Variants in FGGY observed in about 807,000 individuals in gnomAD.
FGGY encodes FGGY carbohydrate kinase domain containing.
Under a neutral mutation model 71.3 loss-of-function variants are expected in FGGY, and 72 were observed. That is an observed-to-expected ratio of 1.01 (90% CI 0.84 to 1.23). FGGY has a LOEUF of 1.23. FGGY is among the 50% of genes most tolerant of loss of function. The pLI is 0.00. For missense variants in FGGY, 668 were observed against 682.3 expected, an observed-to-expected ratio of 0.98 and a Z score of 0.23; for synonymous variants, 251 against 250.3, an observed-to-expected ratio of 1.00 and a Z score of -0.02.
At chr1:59,356,734 T>C (rs573869825) in intron 4 of FGGY, among the ~76,000 whole-genome samples, 3 of 152,334 alleles carry the variant, frequency 2.0e-5, no homozygotes. Context: ...TAAGTTAATT[T>C]TCTCTTCCTC....
chr1:59,636,577 C>A (rs1007457731), intron 10 of FGGY, among the ~76,000 whole-genome samples: 5 of 152,112 alleles, frequency 3.3e-5, no homozygotes, highest in South Asian at 2.1e-4. Flanking sequence ...GAGCCGAGAT[C>A]GCGTCACTGC....
At chr1:59,317,972 A>G (rs1489665691) in intron 1 of FGGY, among the ~76,000 whole-genome samples, 2 of 152,160 alleles carry the variant, frequency 1.3e-5, no homozygotes, top group African/African-American at 4.8e-5. Context: ...GAGTCAGCCA[A>G]CCTTAGGCAC....
chr1:59,672,772 G>C (rs1357792659), intron 13 of FGGY, among the ~76,000 whole-genome samples: 2 of 152,154 alleles, frequency 1.3e-5, no homozygotes. Context: ...AACTCTTATG[G>C]CTTGAGTAGA....
chr1:59,353,847 T>C (rs1371554001), intron 4 of FGGY, among the ~76,000 whole-genome samples: 1 of 152,108 alleles, frequency 6.6e-6, no homozygotes, highest in Admixed American at 6.5e-5. Context: ...TATGGGAACC[T>C]GTGCACTTTC....
chr1:59,461,008 T>C (rs1412907628), intron 6 of FGGY, among the ~76,000 whole-genome samples: 1 of 152,178 alleles, frequency 6.6e-6, no homozygotes, highest in East Asian at 1.9e-4. Context: ...AGAGCACCTC[T>C]TCTCCTCCAA....
At chr1:59,591,424 A>C (rs1416149426) in intron 8 of FGGY, among the ~76,000 whole-genome samples, 1 of 152,344 alleles carries the variant, frequency 6.6e-6, no homozygotes, top group South Asian at 2.1e-4. Context: ...TTCTTCACAG[A>C]ATTGGAAAAA....
chr1:59,611,197 A>T (rs2096673777), intron 9 of FGGY, among the ~76,000 whole-genome samples: 1 of 152,212 alleles, frequency 6.6e-6, no homozygotes, highest in African/African-American at 2.4e-5. Context: ...GAGATCTGAG[A>T]ATGGACAGAC....
intron 8 of FGGY, among the ~76,000 whole-genome samples, chr1:59,602,658 A>C (rs956736728): frequency 6.6e-6 from 1 of 152,108 alleles, no homozygotes; most frequent in Non-Finnish European, 1.5e-5. Flanking sequence ...TGTCTACATG[A>C]CTGTTTCTGC....
chr1:59,467,911 G>GTTTTGT (rs1553227806), intron 6 of FGGY, among the ~76,000 whole-genome samples: 1 of 149,700 alleles, frequency 6.7e-6, no homozygotes, highest in Non-Finnish European at 1.5e-5. Flanking sequence ...GTTTTGTTTT[G>GTTTTGT]TTTTTTTTTG....
At chr1:59,452,686 AAGGTACATC>A (rs1458115539) in intron 5 of FGGY, among the ~76,000 whole-genome samples, 1 of 152,220 alleles carries the variant, frequency 6.6e-6, no homozygotes, top group Non-Finnish European at 1.5e-5. Flanking sequence ...AAAGCAGTGA[AAGGTACATC>A]AGTTCCTGCC....
intron 4 of FGGY, among the ~76,000 whole-genome samples, chr1:59,373,480 C>T (rs2153276900): frequency 1.3e-5 from 2 of 152,212 alleles, no homozygotes; most frequent in East Asian, 3.9e-4. Context: ...GGCCATACTG[C>T]CCAAGGTAAT....
chr1:59,313,220 G>T (rs2044697804), intron 1 of FGGY, among the ~76,000 whole-genome samples: 1 of 152,076 alleles, frequency 6.6e-6, no homozygotes, highest in Admixed American at 6.5e-5. Context: ...CCTTTTTCAT[G>T]ACCTCATCAT....
At chr1:59,744,500 C>A (rs1328639483) in intron 14 of FGGY, among the ~76,000 whole-genome samples, 4 of 152,106 alleles carry the variant, frequency 2.6e-5, no homozygotes, top group Admixed American at 2.6e-4. Flanking sequence ...GGATTACAGG[C>A]GTGAGCCACT....
intron 5 of FGGY, among the ~76,000 whole-genome samples, chr1:59,439,813 C>G (rs755105097): frequency 6.6e-6 from 1 of 152,092 alleles, no homozygotes; most frequent in Non-Finnish European, 1.5e-5. Flanking sequence ...TATTTCCAAA[C>G]CATTGAATAC....
At chr1:59,613,813 G>A (rs1471117170) in intron 9 of FGGY, among the ~76,000 whole-genome samples, 4 of 151,962 alleles carry the variant, frequency 2.6e-5, no homozygotes, top group Non-Finnish European at 2.9e-5. Context: ...TGATAAAGGG[G>A]ATATCACCAC....
chr1:59,346,702 G>A (rs989920564), intron 4 of FGGY, among the ~76,000 whole-genome samples: 2 of 152,084 alleles, frequency 1.3e-5, no homozygotes, highest in African/African-American at 2.4e-5. Context: ...ACAAGAAAAC[G>A]AATGTTCATA....
intron 6 of FGGY, among the ~76,000 whole-genome samples, chr1:59,473,363 G>A (rs958632042): frequency 2.6e-4 from 40 of 152,184 alleles, no homozygotes; most frequent in East Asian, 1.9e-4. Flanking sequence ...AAGAAACTCC[G>A]AACACATCTG....
At chr1:59,447,787 C>G (rs1272604173) in intron 5 of FGGY, among the ~76,000 whole-genome samples, 1 of 152,176 alleles carries the variant, frequency 6.6e-6, no homozygotes, top group Non-Finnish European at 1.5e-5. Flanking sequence ...CACGTGGAAC[C>G]ATGAGTTTAT....
intron 7 of FGGY, among the ~76,000 whole-genome samples, chr1:59,523,933 G>C (rs937888799): frequency 5.9e-5 from 9 of 152,220 alleles, no homozygotes; most frequent in African/African-American, 2.2e-4. Flanking sequence ...GAGCTGGCTG[G>C]GGCCAGAACA....
Sources: gnomAD v4.1 joint callset for allele counts (sites outside exome capture counted in the v4.1 genomes callset) on GRCh38, gnomAD v4.1.1 for gene constraint, MANE v1.5 for transcripts, NCBI Gene and HGNC (gene_info 2026-07-23, HGNC 2026-07-21) for gene names.